Variants in CAB39 observed in about 807,000 individuals in gnomAD.
The protein encoded by CAB39 is calcium binding protein 39.
In CAB39, 8 loss-of-function variants were observed where a neutral mutation model predicts 40.0. That is an observed-to-expected ratio of 0.20 (90% CI 0.12 to 0.36). The LOEUF is 0.36. Among genes scored for constraint, CAB39 ranks in the 10% least tolerant of loss-of-function variants. The probability of loss-of-function intolerance (pLI) is 1.00; values close to 1 mark genes in which losing one functional copy is unlikely to be tolerated. For synonymous variants in CAB39, 156 were observed against 141.6 expected, an observed-to-expected ratio of 1.10 and a Z score of -0.72; for missense variants, 270 against 401.1, an observed-to-expected ratio of 0.67 and a Z score of 2.79.
At chr2:230,722,219 AACT>A (rs1694466932) in intron 1 of CAB39, among the ~76,000 whole-genome samples, 1 of 152,222 alleles carries the variant, frequency 6.6e-6, no homozygotes, top group South Asian at 2.1e-4. Context: ...GCTTTTTATG[AACT>A]ACTAAAATCA....
At chr2:230,809,093 G>A (rs561155241) in intron 5 of CAB39, among the ~76,000 whole-genome samples, 6 of 152,288 alleles carry the variant, frequency 3.9e-5, no homozygotes, top group East Asian at 1.9e-4. Context: ...TCCGAAAGAC[G>A]AACAGTAGGT....
intron 1 of CAB39, among the ~76,000 whole-genome samples, chr2:230,754,305 T>TTTCTTCC (rs71052547): frequency 0.28 from 39,589 of 142,438 alleles, 6,550 homozygotes; most frequent in East Asian, 0.43. Flanking sequence ...TTCTTTCTTC[T>TTTCTTCC]TTCTTCCTTC....
intron 5 of CAB39, among the ~76,000 whole-genome samples, chr2:230,802,939 G>A (rs1273109760): frequency 6.6e-6 from 1 of 152,084 alleles, no homozygotes; most frequent in Non-Finnish European, 1.5e-5. Flanking sequence ...ACCAAAGCCT[G>A]GTAGAGACAC....
At chr2:230,762,838 G>A (rs927157202) in intron 2 of CAB39, among the ~76,000 whole-genome samples, 1 of 152,204 alleles carries the variant, frequency 6.6e-6, no homozygotes, top group Non-Finnish European at 1.5e-5. Context: ...AATTAAGAAA[G>A]CTGGACAGTA....
rs1335198235 is a variant in CAB39 at position 230,774,507 on chromosome 2, A to G, written c.114+14392A>G. ...GGTGGGACTTAGTCTTTCACTGCCA[A>G]CAACCAAACAGATGTGGTGTATGTG... On this transcript the variant is annotated intron_variant, in intron 2 of 8. Coordinates refer to ENST00000258418, the MANE Select transcript of CAB39 (RefSeq NM_016289.4). Among the ~76,000 whole-genome samples the G allele has an allele frequency of 1.6e-4, 25 of 152,316 alleles. No homozygotes were observed. The South Asian group carries it at 1.7e-3, about 10-fold the overall frequency.
At chr2:230,755,493 G>GT (rs1388781573) in intron 1 of CAB39, among the ~76,000 whole-genome samples, 1 of 151,950 alleles carries the variant, frequency 6.6e-6, no homozygotes, top group Non-Finnish European at 1.5e-5. Flanking sequence ...GGGATTATTG[G>GT]TTTTTTTCTT....
rs183044873 is a variant in CAB39 at position 230,796,446 on chromosome 2, G to A, written c.399-2283G>A. 2.6e-3 allele frequency among the ~76,000 whole-genome samples: 397 copies of A among 152,090 alleles called. 1 individual carries two copies. The highest frequency in any genetic ancestry group is 9.3e-3 in the African/African-American group (387 of 41,474). ...TTTGCCTTGTATTTACTGGTTTATG[G>A]TTTAATCGTTTAGACAAGCTTGACA... On this transcript the variant is annotated intron_variant, in intron 4 of 8. Coordinates refer to ENST00000258418, the MANE Select transcript of CAB39 (RefSeq NM_016289.4).
At position 230,798,901 on chromosome 2, in the gene CAB39, A is replaced by C. The variant is rs774760087; in HGVS notation, c.567+4A>C. ...AGATGCATTTGCCACATTCAAGGTA[A>C]CAAAAACTGTAGAATTCTAAATATC... On this transcript the variant is annotated splice_donor_region_variant and intron_variant, in intron 5 of 8. Transcript: ENST00000258418. 2 of 1,579,726 alleles carry C rather than the reference A, an allele frequency of 1.3e-6. No individual in the cohort carries two copies. Among genetic ancestry groups the C allele is most frequent in the Admixed American group, 3.5e-5 (2 of 56,838 alleles).
intron 1 of CAB39, among the ~76,000 whole-genome samples, chr2:230,735,886 T>C (rs1694780991): frequency 6.6e-6 from 1 of 152,234 alleles, no homozygotes; most frequent in South Asian, 2.1e-4. Flanking sequence ...TAATAGGGGC[T>C]TGAAAAGTAT....
At chr2:230,724,410 G>A (rs140816770) in intron 1 of CAB39, among the ~76,000 whole-genome samples, 2,973 of 152,152 alleles carry the variant, frequency 0.02, 88 homozygotes, top group African/African-American at 0.068. Flanking sequence ...GGCCGGGCAC[G>A]GTGGCTCGCC....
At position 230,783,442 on chromosome 2, in the gene CAB39, AGTTTTGTTTT is replaced by A. The variant is rs57684093; in HGVS notation, c.115-7400_115-7391del. Among the ~76,000 whole-genome samples, 437 of 148,984 alleles carry A rather than the reference AGTTTTGTTTT, an allele frequency of 2.9e-3. 5 individuals are homozygous for A. Among genetic ancestry groups the A allele is most frequent in the African/African-American group, 9.7e-3 (392 of 40,320 alleles). The stretch of plus-strand genomic sequence containing the variant: ...CTTAGAGGGAAGTCTGTTCTTGTCT[AGTTTTGTTTT>A]GTTTTGTTTTGTTTTGTTTTGTTTT... On this transcript the variant is annotated intron_variant, in intron 2 of 8. Coordinates refer to ENST00000258418, the MANE Select transcript of CAB39 (RefSeq NM_016289.4).
chr2:230,798,629 C>A, intron 4 of CAB39, 100 bp from the exon 5 acceptor site: 1 of 966,634 alleles, frequency 1.0e-6, no homozygotes, highest in South Asian at 1.8e-5. Flanking sequence ...GGATACATGT[C>A]TGAAAACTGT....
At position 230,820,242 on chromosome 2, in the gene CAB39, A is replaced by G. The variant is rs1186801541; in HGVS notation, c.*1538A>G. On this transcript the variant is annotated 3_prime_UTR_variant, in exon 9 of 9. Coordinates refer to ENST00000258418, the MANE Select transcript of CAB39 (RefSeq NM_016289.4). The stretch of plus-strand genomic sequence containing the variant: ...GGCTGCAGCTGATTAAGAAATTGAT[A>G]TGATTATTCTTTGCTAGCCTCTCTT... 1 of 152,372 alleles carries G rather than the reference A, an allele frequency of 6.6e-6. No individual in the cohort carries two copies. Among genetic ancestry groups the G allele is most frequent in the Non-Finnish European group, 1.5e-5 (1 of 68,036 alleles). The allele number at this position is 152,372 out of a possible 1,614,324, so 9.4% of individuals were successfully genotyped here. A position where few individuals can be genotyped will look rare whatever the true frequency, so the allele number is the denominator to read the frequency against.
rs115880449 is a variant in CAB39 at position 230,816,631 on chromosome 2, C to A, written c.694-1123C>A. On this transcript the variant is annotated intron_variant, in intron 7 of 8. Transcript: ENST00000258418. ...AAACCCAGAAAGGAAGCAACAAAAGCAATTAAAGCAAAGCCACAGAGCCGC... is the reference window on the plus strand; with the variant it reads ...AAACCCAGAAAGGAAGCAACAAAAGAAATTAAAGCAAAGCCACAGAGCCGC... Among the ~76,000 whole-genome samples the A allele has an allele frequency of 1.5e-3, 225 of 152,306 alleles. 3 individuals are homozygous for A. Among genetic ancestry groups the A allele is most frequent in the Non-Finnish European group, 1.5e-3 (103 of 68,028 alleles).
intron 2 of CAB39, among the ~76,000 whole-genome samples, chr2:230,767,406 T>G (rs1461966366): frequency 6.6e-6 from 1 of 152,230 alleles, no homozygotes. Context: ...TGCCCTGGAT[T>G]ACTGTAGTGT....
At chr2:230,758,994 G>A (rs1336387401) in intron 1 of CAB39, among the ~76,000 whole-genome samples, 1 of 152,130 alleles carries the variant, frequency 6.6e-6, no homozygotes, top group Non-Finnish European at 1.5e-5. Flanking sequence ...ATAGTTGCAT[G>A]TTCTCCTTTT....
intron 1 of CAB39, chr2:230,713,539 C>G (rs923051626): frequency 6.6e-6 from 1 of 152,510 alleles, no homozygotes; most frequent in Admixed American, 6.5e-5. Flanking sequence ...GCGTGGTGGT[C>G]CGGGCCGGAG....
At chr2:230,734,570 G>A (rs1242438393) in intron 1 of CAB39, among the ~76,000 whole-genome samples, 1 of 152,174 alleles carries the variant, frequency 6.6e-6, no homozygotes, top group Non-Finnish European at 1.5e-5. Flanking sequence ...ACCCTTCCGA[G>A]GATTGGTGGA....
intron 2 of CAB39, among the ~76,000 whole-genome samples, chr2:230,785,059 CG>C (rs1159109721): frequency 2.0e-5 from 3 of 152,190 alleles, no homozygotes; most frequent in East Asian, 3.8e-4. Context: ...CTGTGGGCTC[CG>C]GTGTGCCTAA....
Sources: gnomAD v4.1 joint callset for allele counts (sites outside exome capture counted in the v4.1 genomes callset) on GRCh38, gnomAD v4.1.1 for gene constraint, MANE v1.5 for transcripts, NCBI Gene and HGNC (gene_info 2026-07-23, HGNC 2026-07-21) for gene names.